Variants in PCGF3 observed in about 807,000 individuals in gnomAD.
PCGF3 encodes polycomb group RING finger protein 3.
Under a neutral mutation model 33.1 loss-of-function variants are expected in PCGF3, and 7 were observed. The ratio of observed to expected loss-of-function variants is 0.21; its 90% CI spans 0.12 to 0.40. PCGF3 has a LOEUF of 0.40. Ranked by LOEUF, PCGF3 falls within the 10% of genes least tolerant of loss-of-function variation. The pLI is 1.00. For synonymous variants in PCGF3, 153 were observed against 121.3 expected (o/e 1.26, Z -1.72); for missense variants, 211 against 313.3 (o/e 0.67, Z 2.46).
intron 3 of PCGF3, among the ~76,000 whole-genome samples, chr4:733,189 G>A (rs968776349): frequency 6.6e-6 from 1 of 151,592 alleles, no homozygotes; most frequent in African/African-American, 2.4e-5. Context: ...GGAGGAAGGG[G>A]TGTGAGCATA....
At chr4:749,840 C>T (rs1158406607) in intron 8 of PCGF3, among the ~76,000 whole-genome samples, 14 of 152,038 alleles carry the variant, frequency 9.2e-5, no homozygotes, top group African/African-American at 2.2e-4. Context: ...TTCTTTGAGA[C>T]GGGATCTGGC....
At chr4:707,267 G>A (rs926035760) in intron 1 of PCGF3, among the ~76,000 whole-genome samples, 1 of 151,912 alleles carries the variant, frequency 6.6e-6, no homozygotes, top group Non-Finnish European at 1.5e-5. Context: ...CCAGACGTAG[G>A]GACCAGGCAG....
intron 8 of PCGF3, among the ~76,000 whole-genome samples, chr4:757,907 G>A (rs1001743016): frequency 6.6e-6 from 1 of 152,004 alleles, no homozygotes; most frequent in African/African-American, 2.4e-5. Context: ...GGTGGCTCAC[G>A]CCTGTAATCC....
At chr4:758,667 G>C (rs1290252237) in intron 8 of PCGF3, among the ~76,000 whole-genome samples, 6 of 94,504 alleles carry the variant, frequency 6.3e-5, no homozygotes, top group South Asian at 4.5e-4. Flanking sequence ...CCGGACTCCA[G>C]GTCTTTCTCC....
intron 6 of PCGF3, among the ~76,000 whole-genome samples, chr4:741,273 A>G (rs1560208670): frequency 6.6e-6 from 1 of 152,254 alleles, no homozygotes; most frequent in African/African-American, 2.4e-5. Context: ...GTGAAAATGA[A>G]GATATGGCTG....
intron 2 of PCGF3, 81 bp downstream of exon 2, chr4:730,749 G>C (rs1031146495): frequency 8.8e-6 from 3 of 342,456 alleles, no homozygotes; most frequent in South Asian, 1.5e-4. Flanking sequence ...CTTTGTGCAT[G>C]TGGTCGGCGT....
chr4:739,905 C>T (rs1744013262), intron 6 of PCGF3, among the ~76,000 whole-genome samples: 1 of 152,236 alleles, frequency 6.6e-6, no homozygotes, highest in Non-Finnish European at 1.5e-5. Flanking sequence ...CCCCGAGCCG[C>T]CTCCCTGACC....
At chr4:747,634 G>A (rs1270193179) in intron 8 of PCGF3, among the ~76,000 whole-genome samples, 4 of 94,720 alleles carry the variant, frequency 4.2e-5, no homozygotes, top group Non-Finnish European at 7.1e-5. Flanking sequence ...AGTGCTCGCC[G>A]TGGAGGCGTG....
At chr4:757,067 G>C (rs1744800426) in intron 8 of PCGF3, 1 of 152,244 alleles carries the variant, frequency 6.6e-6, no homozygotes, top group Non-Finnish European at 1.5e-5. Flanking sequence ...CTCTGCCGCT[G>C]TCTGTAGTGA....
At chr4:761,136 A>G (rs1432943902) in intron 8 of PCGF3, 143 bp from the exon 9 acceptor site, 3 of 517,966 alleles carry the variant, frequency 5.8e-6, no homozygotes, top group Non-Finnish European at 9.8e-6. Flanking sequence ...CTTTTTCTGC[A>G]GTGTTGAAGT....
chr4:725,829 T>TG (rs1743310215), intron 1 of PCGF3, among the ~76,000 whole-genome samples: 1 of 151,936 alleles, frequency 6.6e-6, no homozygotes, highest in Non-Finnish European at 1.5e-5. Flanking sequence ...CGTCCCCGGG[T>TG]CCCCCAGCAG....
chr4:744,623 TCAAA>T lies in PCGF3; in HGVS notation c.402_405del (p.Asn134LysfsTer21). The T allele has an allele frequency of 1.9e-6, 3 of 1,560,130 alleles. No individual in the cohort carries two copies. Among genetic ancestry groups the T allele is most frequent in the Non-Finnish European group, 2.6e-6 (3 of 1,151,684 alleles). On this transcript the variant is annotated frameshift_variant, in exon 8 of 11. Coordinates refer to ENST00000362003, the Ensembl canonical transcript of PCGF3. LOFTEE classifies it high-confidence loss of function. ...AGGTGAAACCAAAGCAGACGACAGT[TCAAA>T]CAAAGAGGCCGCGGAGGAGAAGCCG...
intron 1 of PCGF3, among the ~76,000 whole-genome samples, chr4:712,039 C>T (rs1742593340): frequency 6.6e-6 from 1 of 151,800 alleles, no homozygotes; most frequent in African/African-American, 2.4e-5. Context: ...GGGACAGTTT[C>T]CTATTGTTTA....
exon 8 of PCGF3, chr4:744,682 C>T (rs370937234): frequency 1.9e-6 from 3 of 1,552,056 alleles, no homozygotes; most frequent in South Asian, 1.2e-5. Flanking sequence ...ACCGCAGCGA[C>T]GAGCAGGTGG....
chr4:731,653 C>G (rs1280093550), intron 3 of PCGF3, among the ~76,000 whole-genome samples: 1 of 72,096 alleles, frequency 1.4e-5, no homozygotes, highest in African/African-American at 4.6e-5. Flanking sequence ...GCGGGGCTCC[C>G]CCGCCCCTCG....
intron 8 of PCGF3, among the ~76,000 whole-genome samples, chr4:760,809 A>G: frequency 6.6e-6 from 1 of 152,228 alleles, no homozygotes; most frequent in East Asian, 1.9e-4. Flanking sequence ...TCCTGCGGCC[A>G]AACTGCTGGT....
chr4:707,058 T>C (rs1368989972), intron 1 of PCGF3, among the ~76,000 whole-genome samples: 1 of 151,730 alleles, frequency 6.6e-6, no homozygotes, highest in East Asian at 1.9e-4. Context: ...AGGCAGGACC[T>C]GAAGAGAGTT....
In PCGF3 at chr4:734,853, G is replaced by A. The variant is rs1169603853; in HGVS notation, c.110-78G>A. The A allele has an allele frequency of 3.0e-5, 46 of 1,545,468 alleles. 1 individual carries two copies. Among genetic ancestry groups the A allele is most frequent in the Middle Eastern group, 3.6e-4 (2 of 5,562 alleles). On this transcript the variant is annotated intron_variant, in intron 4 of 10. Transcript: ENST00000362003. The stretch of plus-strand genomic sequence containing the variant: ...CACAGAAACGAGCTCAGAGACGCCC[G>A]TGTTCAGTGGAGCACGCCGATGGGG...
intron 1 of PCGF3, among the ~76,000 whole-genome samples, chr4:715,503 T>C (rs1171954142): frequency 7.1e-6 from 1 of 139,902 alleles, no homozygotes; most frequent in Admixed American, 7.2e-5. Context: ...AGACACTGAG[T>C]GGGAGAACTG....
Sources: gnomAD v4.1 joint callset for allele counts (sites outside exome capture counted in the v4.1 genomes callset) on GRCh38, gnomAD v4.1.1 for gene constraint, MANE v1.5 for transcripts, NCBI Gene and HGNC (gene_info 2026-07-23, HGNC 2026-07-21) for gene names.